The following IQCJ variants were observed in gnomAD, a reference collection of about 807,000 sequenced individuals.
The protein encoded by IQCJ is IQ motif containing J.
Under a neutral mutation model 11.0 loss-of-function variants are expected in IQCJ, and 9 were observed. The ratio of observed to expected loss-of-function variants is 0.82; its 90% CI spans 0.49 to 1.43. IQCJ has a LOEUF of 1.43. Ranked by LOEUF, IQCJ falls within the 40% of genes most tolerant of loss-of-function variation. The pLI is 0.00. For synonymous variants in IQCJ, 55 were observed against 51.3 expected (o/e 1.07, Z -0.31); for missense variants, 146 against 133.2 (o/e 1.10, Z -0.47).
chr3:159,161,501 G>A (rs150964378), intron 1 of IQCJ, among the ~76,000 whole-genome samples: 4,400 of 152,232 alleles, frequency 0.029, 205 homozygotes, highest in African/African-American at 0.1. Context: ...TCTGATGGTA[G>A]TTTCTTTTTC....
chr3:159,115,269 G>A (rs1250624482), intron 1 of IQCJ, among the ~76,000 whole-genome samples: 1 of 152,144 alleles, frequency 6.6e-6, no homozygotes, highest in Non-Finnish European at 1.5e-5. Flanking sequence ...TCTAGGCAAG[G>A]CCTCATCCCT....
chr3:159,233,629 G>A (rs1225645369), intron 1 of IQCJ, among the ~76,000 whole-genome samples: 1 of 152,124 alleles, frequency 6.6e-6, no homozygotes, highest in Non-Finnish European at 1.5e-5. Flanking sequence ...GGTACAATTA[G>A]TGTCCCCATT....
chr3:159,245,079 C>T (rs143173466), intron 1 of IQCJ, among the ~76,000 whole-genome samples: 50 of 152,186 alleles, frequency 3.3e-4, no homozygotes, highest in African/African-American at 1.2e-3. Context: ...AATGAGATTA[C>T]AGAGACTACA....
intron 1 of IQCJ, among the ~76,000 whole-genome samples, chr3:159,167,844 G>T (rs1435341998): frequency 1.3e-5 from 2 of 152,192 alleles, no homozygotes; most frequent in Non-Finnish European, 2.9e-5. Flanking sequence ...ACTATCAAAT[G>T]CTGGCCATGA....
chr3:159,168,300 TGA>T (rs1469856112), intron 1 of IQCJ, among the ~76,000 whole-genome samples: 1 of 152,148 alleles, frequency 6.6e-6, no homozygotes, highest in Non-Finnish European at 1.5e-5. Context: ...AGAAACTTCT[TGA>T]AAAAAATCTT....
At chr3:159,104,424 A>G (rs1295216288) in intron 1 of IQCJ, among the ~76,000 whole-genome samples, 2 of 152,236 alleles carry the variant, frequency 1.3e-5, no homozygotes, top group Admixed American at 6.5e-5. Flanking sequence ...TATAAAATAC[A>G]TAGTCACTGT....
At chr3:159,137,116 G>A (rs1253174174) in intron 1 of IQCJ, among the ~76,000 whole-genome samples, 1 of 152,064 alleles carries the variant, frequency 6.6e-6, no homozygotes, top group Non-Finnish European at 1.5e-5. Flanking sequence ...ACAAGAATTA[G>A]CTGGATGCAG....
At chr3:159,137,668 C>G (rs1720374536) in intron 1 of IQCJ, among the ~76,000 whole-genome samples, 1 of 152,038 alleles carries the variant, frequency 6.6e-6, no homozygotes, top group Non-Finnish European at 1.5e-5. Context: ...GACCATATAC[C>G]TGATCTCTTT....
rs181189760 is a variant in IQCJ, at chr3:159,217,597, A to G, written c.10-28246A>G. The stretch of plus-strand genomic sequence containing the variant: ...ATAAATCAAGGTGATGTTACTTCTT[A>G]CCAGAGGTACTCTCCTTCCTGTACA... On this transcript the variant is annotated intron_variant, in intron 1 of 3. Transcript: ENST00000397832. Among the ~76,000 whole-genome samples, 482 of 152,280 alleles carry G rather than the reference A, an allele frequency of 3.2e-3. 1 individual carries two copies. The highest frequency in any genetic ancestry group is 4.8e-3 in the Non-Finnish European group (329 of 68,008).
chr3:159,081,763 A>T (rs940964738), intron 1 of IQCJ, among the ~76,000 whole-genome samples: 8 of 152,106 alleles, frequency 5.3e-5, no homozygotes, highest in African/African-American at 1.9e-4. Context: ...TTAATGCAAA[A>T]TGAAGAAGAA....
At chr3:159,087,561 G>C (rs992050464) in intron 1 of IQCJ, among the ~76,000 whole-genome samples, 2 of 151,336 alleles carry the variant, frequency 1.3e-5, no homozygotes, top group South Asian at 4.2e-4. Flanking sequence ...ACTCTTTTTG[G>C]TTGGTAAGCT....
At chr3:159,124,235 A>G (rs1048503484) in intron 1 of IQCJ, among the ~76,000 whole-genome samples, 1 of 152,058 alleles carries the variant, frequency 6.6e-6, no homozygotes. Context: ...TCATCTCCAC[A>G]TGGATTTACT....
At chr3:159,074,206 A>C (rs1576984921) in intron 1 of IQCJ, among the ~76,000 whole-genome samples, 2 of 152,118 alleles carry the variant, frequency 1.3e-5, no homozygotes. Context: ...TGGAGGCTCC[A>C]CTGAATGGAG....
At chr3:159,217,079 T>C (rs1053203755) in intron 1 of IQCJ, among the ~76,000 whole-genome samples, 1 of 152,126 alleles carries the variant, frequency 6.6e-6, no homozygotes, top group Non-Finnish European at 1.5e-5. Context: ...AGTCAGTCAG[T>C]CTTATCCCTG....
intron 1 of IQCJ, among the ~76,000 whole-genome samples, chr3:159,118,521 A>G (rs56247934): frequency 0.044 from 6,643 of 152,152 alleles, 513 homozygotes; most frequent in African/African-American, 0.15. Flanking sequence ...GGTAAAAGTT[A>G]TCAGTCACAT....
chr3:159,102,507 G>T (rs1225800592), intron 1 of IQCJ, among the ~76,000 whole-genome samples: 1 of 152,154 alleles, frequency 6.6e-6, no homozygotes. Flanking sequence ...ATTGGGAAAG[G>T]TAGTAATTTT....
chr3:159,083,776 G>T (rs1716497414), intron 1 of IQCJ, among the ~76,000 whole-genome samples: 1 of 152,208 alleles, frequency 6.6e-6, no homozygotes, highest in Non-Finnish European at 1.5e-5. Context: ...TCATTCTGTG[G>T]TATTCTCCAC....
rs369431846 is a variant in IQCJ, at chr3:159,166,788, G to C, written c.10-79055G>C. On this transcript the variant is annotated intron_variant, in intron 1 of 3. Coordinates refer to ENST00000397832, the MANE Select transcript of IQCJ (RefSeq NM_001042706.3). ...GCCAGTAGCTGATTTCAAGACAAAG[G>C]CTCAGAATTCTTCCTAGAGGAAATA... Among the ~76,000 whole-genome samples the C allele has an allele frequency of 5.3e-5, 8 of 152,200 alleles. No homozygotes were observed. In the South Asian group the frequency reaches 1.2e-3, roughly 24 times the overall value.
intron 1 of IQCJ, among the ~76,000 whole-genome samples, chr3:159,194,848 C>T (rs1189580366): frequency 2.0e-5 from 3 of 152,112 alleles, no homozygotes; most frequent in African/African-American, 4.8e-5. Context: ...TGTGGTGGCT[C>T]ACGCCTGTAA....
Sources: gnomAD v4.1 joint callset for allele counts (sites outside exome capture counted in the v4.1 genomes callset) on GRCh38, gnomAD v4.1.1 for gene constraint, MANE v1.5 for transcripts, NCBI Gene and HGNC (gene_info 2026-07-23, HGNC 2026-07-21) for gene names.